P3H2: variants seen among roughly 807,000 people sequenced by gnomAD.
P3H2 encodes the protein prolyl 3-hydroxylase 2.
Under a neutral mutation model 87.0 loss-of-function variants are expected in P3H2, and 80 were observed. The ratio of observed to expected loss-of-function variants is 0.92; its 90% CI spans 0.77 to 1.11. The LOEUF is 1.11. Among genes scored for constraint, P3H2 ranks in the 50% least tolerant of loss-of-function variants. The pLI, the probability that P3H2 is intolerant of heterozygous loss-of-function variation, is 0.00. For missense variants in P3H2, 1,001 were observed against 923.9 expected, an observed-to-expected ratio of 1.08 and a Z score of -1.08; for synonymous variants, 367 against 359.3, an observed-to-expected ratio of 1.02 and a Z score of -0.24.
rs1432472810 is a variant in P3H2, at chr3:189,972,858, C to T, written c.1699+16G>A. On this transcript the variant is annotated intron_variant, in intron 11 of 14. Coordinates refer to ENST00000319332, the MANE Select transcript of P3H2 (RefSeq NM_018192.4). Reference sequence around the variant, plus strand: ...TATTGTGGGTAAAAGGGAACCATTTCAGACTGCAATCTCACCAGACAGGGC... The same window carrying T: ...TATTGTGGGTAAAAGGGAACCATTTTAGACTGCAATCTCACCAGACAGGGC... 1.2e-6 allele frequency: 2 copies of T among 1,613,856 alleles called. No individual in the cohort carries two copies. Among genetic ancestry groups the T allele is most frequent in the African/African-American group, 1.3e-5 (1 of 75,010 alleles).
intron 1 of P3H2, among the ~76,000 whole-genome samples, chr3:190,025,641 A>G (rs1408928482): frequency 6.6e-6 from 1 of 152,218 alleles, no homozygotes; most frequent in Admixed American, 6.5e-5. Context: ...TGTCTCACTT[A>G]CATCTTCTTC....
chr3:190,109,015 G>A (rs921241047), intron 1 of P3H2, among the ~76,000 whole-genome samples: 16 of 152,168 alleles, frequency 1.1e-4, no homozygotes, highest in African/African-American at 3.4e-4. Context: ...ATGGCCTTAC[G>A]GCAATACGGA....
In P3H2 at chr3:189,957,696, TAAGAAGA is replaced by T; in HGVS notation, c.*209_*215del. On this transcript the variant is annotated 3_prime_UTR_variant, in exon 15 of 15. Transcript: ENST00000319332. ...AGACAACATGGTTAGACCATGTCTC[TAAGAAGA>T]GAGAGAGAGAGAGAGAGAGAGAAAA... is the stretch of plus-strand genomic sequence containing the variant. 1 of 439,164 alleles carries T rather than the reference TAAGAAGA, an allele frequency of 2.3e-6. No individual in the cohort carries two copies. Among genetic ancestry groups the T allele is most frequent in the Non-Finnish European group, 4.0e-6 (1 of 247,168 alleles). 27.2% of individuals were successfully genotyped at this position (439,164 alleles called of 1,614,324 possible). A position where few individuals can be genotyped will look rare whatever the true frequency, so the allele number is the denominator to read the frequency against.
intron 1 of P3H2, among the ~76,000 whole-genome samples, chr3:190,107,488 A>C (rs1711893103): frequency 6.6e-6 from 1 of 152,100 alleles, no homozygotes; most frequent in Non-Finnish European, 1.5e-5. Context: ...TTTCACAAAT[A>C]TTTCCTCATT....
At chr3:190,078,828 G>A (rs185908711) in intron 1 of P3H2, among the ~76,000 whole-genome samples, 27 of 152,274 alleles carry the variant, frequency 1.8e-4, no homozygotes, top group Admixed American at 6.5e-4. Context: ...TTCCAGGGAA[G>A]TAGCAAAGAA....
upstream of P3H2, chr3:190,121,084 T>G (rs1712568310): frequency 6.5e-6 from 2 of 308,036 alleles, no homozygotes; most frequent in African/African-American, 4.4e-5. Flanking sequence ...ACGAGGCGCT[T>G]TACACGTGAG....
chr3:189,962,149 T>TTTC lies in P3H2; in HGVS notation c.2034+1806_2034+1808dup, dbSNP rs1261471071. Among the ~76,000 whole-genome samples, 572 of 129,770 alleles carry TTTC rather than the reference T, an allele frequency of 4.4e-3. 71 individuals are homozygous for TTTC. The highest frequency in any genetic ancestry group is 0.024 in the Middle Eastern group (6 of 248). 85.1% of individuals were successfully genotyped at this position (129,770 alleles called of 152,430 possible). On this transcript the variant is annotated intron_variant, in intron 14 of 14. Transcript: ENST00000319332. ...CCTTTTGTCAGGGCCTTTCTTTCTT[T>TTTC]TTCTTCTTCTTCTTTTTTTTTTTTT...
At chr3:189,976,776 T>A (rs921118441) in intron 8 of P3H2, among the ~76,000 whole-genome samples, 3 of 152,232 alleles carry the variant, frequency 2.0e-5, no homozygotes, top group African/African-American at 7.2e-5. Context: ...ATTGCTTCTC[T>A]TAATTTTTGA....
At chr3:190,106,325 A>G (rs710591) in intron 1 of P3H2, among the ~76,000 whole-genome samples, 19,433 of 152,158 alleles carry the variant, frequency 0.13, 1,259 homozygotes, top group Non-Finnish European at 0.14. Context: ...GTGGAGAGGC[A>G]GGTAAGTCTG....
intron 1 of P3H2, among the ~76,000 whole-genome samples, chr3:190,103,841 GGGTGCAGT>G (rs1711728165): frequency 6.6e-6 from 1 of 151,982 alleles, no homozygotes; most frequent in Non-Finnish European, 1.5e-5. Flanking sequence ...ACCTAGGCTG[GGGTGCAGT>G]GGTGCGATCT....
chr3:190,042,979 G>A (rs1052234974), intron 1 of P3H2, among the ~76,000 whole-genome samples: 4 of 152,210 alleles, frequency 2.6e-5, no homozygotes, highest in East Asian at 3.9e-4. Flanking sequence ...AGAAATGGTC[G>A]TTAATTTTTC....
At chr3:190,031,911 A>G (rs1489561221) in intron 1 of P3H2, among the ~76,000 whole-genome samples, 4 of 152,236 alleles carry the variant, frequency 2.6e-5, no homozygotes, top group Non-Finnish European at 4.4e-5. Flanking sequence ...GAGACTAAAA[A>G]GACAACAATT....
chr3:189,970,579 A>G (rs1049518728), intron 13 of P3H2, among the ~76,000 whole-genome samples: 1 of 151,984 alleles, frequency 6.6e-6, no homozygotes, highest in African/African-American at 2.4e-5. Flanking sequence ...AACTAGCTAT[A>G]TGATCATGAT....
chr3:190,063,362 C>A (rs182901821), intron 1 of P3H2, among the ~76,000 whole-genome samples: 10 of 152,240 alleles, frequency 6.6e-5, no homozygotes, highest in Non-Finnish European at 1.3e-4. Context: ...AGCAAATGTT[C>A]TTGGGAAAAA....
intron 1 of P3H2, among the ~76,000 whole-genome samples, chr3:190,077,261 T>C (rs535557804): frequency 3.3e-5 from 5 of 152,342 alleles, no homozygotes; most frequent in African/African-American, 1.2e-4. Context: ...TTTCTCTGCC[T>C]AGTCATCTGT....
chr3:190,004,379 A>G (rs1724313008), intron 1 of P3H2, among the ~76,000 whole-genome samples: 1 of 152,078 alleles, frequency 6.6e-6, no homozygotes, highest in Non-Finnish European at 1.5e-5. Flanking sequence ...TACAAACGAT[A>G]ATTTATTTGT....
chr3:190,051,801 C>T (rs1180290814), intron 1 of P3H2, among the ~76,000 whole-genome samples: 1 of 152,132 alleles, frequency 6.6e-6, no homozygotes, highest in Non-Finnish European at 1.5e-5. Context: ...GCGTTCAAAA[C>T]AAAAATGCTG....
At chr3:189,992,724 T>C (rs1367542081) in intron 3 of P3H2, among the ~76,000 whole-genome samples, 2 of 152,222 alleles carry the variant, frequency 1.3e-5, no homozygotes, top group South Asian at 2.1e-4. Flanking sequence ...GTAACAATAG[T>C]ATCTATAAGA....
chr3:190,000,477 T>G (rs1323702952), intron 1 of P3H2, among the ~76,000 whole-genome samples: 1 of 152,150 alleles, frequency 6.6e-6, no homozygotes, highest in East Asian at 1.9e-4. Flanking sequence ...AATAAATAAG[T>G]AAGGAAAGTA....
Sources: gnomAD v4.1 joint callset for allele counts (sites outside exome capture counted in the v4.1 genomes callset) on GRCh38, gnomAD v4.1.1 for gene constraint, MANE v1.5 for transcripts, NCBI Gene and HGNC (gene_info 2026-07-23, HGNC 2026-07-21) for gene names.